WSCD2: variants seen among roughly 807,000 people sequenced by gnomAD.
The protein encoded by WSCD2 is sialate:O-sulfotransferase 2.
WSCD2 carries 28 observed loss-of-function variants against 55.7 expected under a neutral mutation model. The observed-to-expected ratio is 0.50, with a 90% CI of 0.37 to 0.69. The LOEUF is 0.69. Among genes scored for constraint, WSCD2 ranks in the 30% least tolerant of loss-of-function variants. WSCD2 has a pLI of 0.00. For missense variants in WSCD2, 616 were observed against 762.1 expected (o/e 0.81, Z 2.26); for synonymous variants, 301 against 301.9 (o/e 1.00, Z 0.03).
chr12:108,222,033 T>C (rs1314896068), intron 4 of WSCD2, among the ~76,000 whole-genome samples: 1 of 152,210 alleles, frequency 6.6e-6, no homozygotes, highest in East Asian at 1.9e-4. Flanking sequence ...AACTTCAGGC[T>C]ATCAGGCGCC....
At chr12:108,207,455 C>T (rs1347065402) in intron 3 of WSCD2, among the ~76,000 whole-genome samples, 1 of 151,570 alleles carries the variant, frequency 6.6e-6, no homozygotes, top group Non-Finnish European at 1.5e-5. Context: ...CTGCAACCTC[C>T]GCCTCCCGGG....
chr12:108,223,980 T>C (rs1887804922), intron 4 of WSCD2, among the ~76,000 whole-genome samples: 1 of 152,218 alleles, frequency 6.6e-6, no homozygotes, highest in Non-Finnish European at 1.5e-5. Flanking sequence ...TGCCTCCCGC[T>C]TTCTTTCTCT....
At chr12:108,154,304 T>C (rs569935503) in intron 1 of WSCD2, among the ~76,000 whole-genome samples, 3 of 152,280 alleles carry the variant, frequency 2.0e-5, no homozygotes, top group South Asian at 4.1e-4. Context: ...CAGAGGAAAA[T>C]TGGCTCCTTG....
At position 108,248,895 on chromosome 12, in the gene WSCD2, G is replaced by C. The variant is rs911122952; in HGVS notation, c.*552G>C. ...CTGGGAAGTTTCTCCGTGGCCTTAGGTTTCTGACATCCTGGATAGTGTGGG... is the reference window on the plus strand; with the variant it reads ...CTGGGAAGTTTCTCCGTGGCCTTAGCTTTCTGACATCCTGGATAGTGTGGG... On this transcript the variant is annotated 3_prime_UTR_variant, in exon 9 of 9. Coordinates refer to ENST00000547525, the MANE Select transcript of WSCD2 (RefSeq NM_014653.4). The surrounding 1 kb of genome is among the most constrained non-coding windows in gnomAD (Gnocchi z 4.3). The C allele has an allele frequency of 6.1e-6, 6 of 988,576 alleles. No individual in the cohort carries two copies. In the African/African-American group the frequency reaches 1.0e-4, roughly 17 times the overall value. The allele number at this position is 988,576 out of a possible 1,614,324, so 61.2% of individuals were successfully genotyped here. A position where few individuals can be genotyped will look rare whatever the true frequency, so the allele number is the denominator to read the frequency against.
rs186663775 is a variant in WSCD2, at chr12:108,136,509, C to T, written c.-552+6583C>T. ...CTGACCTGGGGACCTTCCTGATCAC[C>T]GTAGCTTGTGTATGCAGGGTGTTTA... On this transcript the variant is annotated intron_variant, in intron 1 of 8. Coordinates refer to ENST00000547525, the MANE Select transcript of WSCD2 (RefSeq NM_014653.4). Among the ~76,000 whole-genome samples, 623 of 152,250 alleles carry T rather than the reference C, an allele frequency of 4.1e-3. 1 individual carries two copies. Among genetic ancestry groups the T allele is most frequent in the Middle Eastern group, 0.017 (5 of 294 alleles).
At chr12:108,227,727 G>GTGATGATGATGATGATGATGA (rs112313899) in intron 6 of WSCD2, among the ~76,000 whole-genome samples, 6 of 150,360 alleles carry the variant, frequency 4.0e-5, no homozygotes, top group African/African-American at 1.5e-4. Flanking sequence ...GATAATGATG[G>GTGATGATGATGATGATGATGA]TGATGATGAT....
intron 2 of WSCD2, among the ~76,000 whole-genome samples, chr12:108,200,230 G>A (rs1271772058): frequency 1.3e-5 from 2 of 152,208 alleles, no homozygotes; most frequent in Non-Finnish European, 1.5e-5. Context: ...TTACTGAGGT[G>A]CTCTGTGTCA....
intron 1 of WSCD2, among the ~76,000 whole-genome samples, chr12:108,138,658 A>G (rs926976347): frequency 2.0e-4 from 31 of 152,208 alleles, no homozygotes; most frequent in African/African-American, 7.0e-4. Flanking sequence ...GTCTGTGGGC[A>G]TCTGTTCAGG....
intron 8 of WSCD2, among the ~76,000 whole-genome samples, chr12:108,241,841 A>G (rs1165057545): frequency 2.6e-5 from 4 of 152,210 alleles, no homozygotes; most frequent in African/African-American, 9.7e-5. Context: ...ACTAAATTGT[A>G]GATATTATGT....
At chr12:108,164,821 T>C (rs1000706736) in intron 1 of WSCD2, among the ~76,000 whole-genome samples, 2 of 152,126 alleles carry the variant, frequency 1.3e-5, no homozygotes. Flanking sequence ...GGAGGCCCAA[T>C]AACTCCTCAC....
chr12:108,166,851 G>A (rs187008270), intron 1 of WSCD2, among the ~76,000 whole-genome samples: 141 of 123,472 alleles, frequency 1.1e-3, no homozygotes, highest in African/African-American at 4.2e-3. Flanking sequence ...TCGCTCTGTT[G>A]CCCAGGCTGA....
At chr12:108,140,714 C>A (rs532087107) in intron 1 of WSCD2, among the ~76,000 whole-genome samples, 4 of 152,300 alleles carry the variant, frequency 2.6e-5, no homozygotes, top group African/African-American at 9.6e-5. Flanking sequence ...CTTTCCTGCC[C>A]CCTGACCCCC....
intron 8 of WSCD2, among the ~76,000 whole-genome samples, chr12:108,241,550 AAGGGGGATAT>A (rs1889747085): frequency 6.6e-6 from 1 of 152,142 alleles, no homozygotes; most frequent in Non-Finnish European, 1.5e-5. Flanking sequence ...TTTCCAGGGT[AAGGGGGATAT>A]AGGGGGTTGT....
chr12:108,248,222 T>C lies in WSCD2; in HGVS notation c.1577T>C (p.Leu526Pro). ...GNFKRSGLRKLEYDPYTADMQ... is the reference protein window; with the variant it reads ...GNFKRSGLRKPEYDPYTADMQ... ...TTCAAGCGCTCAGGGCTCCGGAAGCTCGAGTATGACCCCTATACTGCGGAC... is the reference window on the plus strand; with the variant it reads ...TTCAAGCGCTCAGGGCTCCGGAAGCCCGAGTATGACCCCTATACTGCGGAC... The change falls in exon 9 of 9, where the codon CTC becomes CCC. Residue 526 changes from leucine to proline, a missense_variant. By Grantham distance (98) the Leu-to-Pro change is moderately conservative (BLOSUM62 -3). This residue lies in a region of WSCD2 where 234 missense variants were observed against 264.6 expected (regional missense o/e 0.88). Coordinates refer to ENST00000547525, the MANE Select transcript of WSCD2 (RefSeq NM_014653.4). The surrounding 1 kb of genome is among the most constrained non-coding windows in gnomAD (Gnocchi z 4.3). The C allele has an allele frequency of 6.2e-7, 1 of 1,614,174 alleles. No homozygotes were observed. Among genetic ancestry groups the C allele is most frequent in the Non-Finnish European group, 8.5e-7 (1 of 1,180,030 alleles).
At chr12:108,133,750 C>G (rs1477940995) in intron 1 of WSCD2, among the ~76,000 whole-genome samples, 1 of 152,172 alleles carries the variant, frequency 6.6e-6, no homozygotes, top group Non-Finnish European at 1.5e-5. Context: ...CCCCCTGCCC[C>G]CGCCTCCCTC....
intron 4 of WSCD2, among the ~76,000 whole-genome samples, chr12:108,213,276 G>C (rs563138947): frequency 2.0e-5 from 3 of 152,302 alleles, no homozygotes; most frequent in Non-Finnish European, 4.4e-5. Flanking sequence ...AAGTAGGATT[G>C]GTTGAACCAC....
Position 108,224,639 on chromosome 12 carries a change from AAG to A in WSCD2, c.683-98_683-97del, listed in dbSNP as rs1461966413. On this transcript the variant is annotated intron_variant, in intron 4 of 8. Transcript: ENST00000547525. Reference sequence around the variant, plus strand: ...TTTGGCTTGCTCTGTGACCTTGGGCAAGACTCTTGCCTTCTCTGAGCTTTCTT... The same window carrying A: ...TTTGGCTTGCTCTGTGACCTTGGGCAACTCTTGCCTTCTCTGAGCTTTCTT... 7 of 1,492,442 alleles carry A rather than the reference AAG, an allele frequency of 4.7e-6. No individual in the cohort carries two copies. In the African/African-American group the frequency reaches 9.8e-5, roughly 21 times the overall value. 92.4% of individuals were successfully genotyped at this position (1,492,442 alleles called of 1,614,324 possible).
At chr12:108,227,744 G>GATGATGATGATGATC (rs1255034299) in intron 6 of WSCD2, among the ~76,000 whole-genome samples, 5 of 151,392 alleles carry the variant, frequency 3.3e-5, no homozygotes, top group African/African-American at 1.2e-4. Flanking sequence ...TGATGATGAT[G>GATGATGATGATGATC]ATGATGATGG....
chr12:108,241,794 G>A (rs1386502845), intron 8 of WSCD2, among the ~76,000 whole-genome samples: 2 of 152,186 alleles, frequency 1.3e-5, no homozygotes, highest in South Asian at 2.1e-4. Context: ...CTGGATTATG[G>A]TGATGGTAAC....
Sources: gnomAD v4.1 joint callset for allele counts (sites outside exome capture counted in the v4.1 genomes callset) on GRCh38, gnomAD v4.1.1 for gene constraint, gnomAD v4.1.1 regional missense constraint, Gnocchi (gnomAD v3.1) non-coding constraint, MANE v1.5 for transcripts, NCBI Gene and HGNC (gene_info 2026-07-23, HGNC 2026-07-21) for gene names.